RBM33: variants seen among roughly 807,000 people sequenced by gnomAD.
RBM33 encodes RNA binding motif protein 33.
RBM33 carries 28 observed loss-of-function variants against 132.6 expected under a neutral mutation model. The ratio of observed to expected loss-of-function variants is 0.21; its 90% CI spans 0.16 to 0.29. The LOEUF (loss-of-function observed/expected upper bound fraction) is 0.29, where lower values mean the gene tolerates loss of function less well. Ranked by LOEUF, RBM33 falls within the 10% of genes least tolerant of loss-of-function variation. The pLI, the probability that RBM33 is intolerant of heterozygous loss-of-function variation, is 1.00. For missense variants in RBM33, 1,291 were observed against 1,518.5 expected (o/e 0.85, Z 2.49); for synonymous variants, 634 against 593.0 (o/e 1.07, Z -1.01).
chr7:155,737,393 A>G (rs1801162998), intron 9 of RBM33, 137 bp from the exon 10 acceptor site: 1 of 734,730 alleles, frequency 1.4e-6, no homozygotes, highest in Admixed American at 3.6e-5. Flanking sequence ...GTGTAGAAAG[A>G]GAAAGACAGT....
intron 1 of RBM33, among the ~76,000 whole-genome samples, chr7:155,661,144 ATAT>A (rs1473946301): frequency 1.7e-4 from 7 of 40,700 alleles, no homozygotes; most frequent in African/African-American, 4.0e-4. Context: ...ATATATATAT[ATAT>A]TTTTTTTTTT....
At chr7:155,653,152 A>G (rs556450596) in intron 1 of RBM33, among the ~76,000 whole-genome samples, 26 of 152,264 alleles carry the variant, frequency 1.7e-4, no homozygotes, top group African/African-American at 6.3e-4. Context: ...AAATAATACT[A>G]ATAGGAGCTT....
chr7:155,694,131 A>G (rs1450841433), intron 5 of RBM33, among the ~76,000 whole-genome samples: 3 of 152,314 alleles, frequency 2.0e-5, no homozygotes, highest in South Asian at 2.1e-4. Flanking sequence ...TAAGGTCTAT[A>G]TTAGAATCTT....
chr7:155,707,935 C>T (rs1207172894), intron 7 of RBM33, among the ~76,000 whole-genome samples: 3 of 152,220 alleles, frequency 2.0e-5, no homozygotes, highest in Admixed American at 6.5e-5. Flanking sequence ...GCTGGGATTA[C>T]GGGCGTGAGC....
At position 155,741,947 on chromosome 7, in the gene RBM33, C is replaced by T. The variant is rs1801352549; in HGVS notation, c.2178C>T (p.Cys726=). The T allele has an allele frequency of 6.2e-7, 1 of 1,614,044 alleles. No individual in the cohort carries two copies. Among genetic ancestry groups the T allele is most frequent in the Non-Finnish European group, 8.5e-7 (1 of 1,179,896 alleles). The change falls in exon 13 of 18, where the codon TGC becomes TGT. Residue 726 remains cysteine (C), a synonymous_variant. Coordinates refer to ENST00000401878, the MANE Select transcript of RBM33 (RefSeq NM_053043.3). ...SHVIEMSSSR[C]SATPSAQVKP... ...TGATAGAAATGAGCAGCAGCCGCTGCTCTGCCACGCCCTCAGCACAAGTGA... is the reference window on the plus strand; with the variant it reads ...TGATAGAAATGAGCAGCAGCCGCTGTTCTGCCACGCCCTCAGCACAAGTGA...
At chr7:155,736,367 T>A (rs1200424732) in intron 9 of RBM33, among the ~76,000 whole-genome samples, 1 of 152,254 alleles carries the variant, frequency 6.6e-6, no homozygotes, top group Admixed American at 6.5e-5. Flanking sequence ...AAGGTGCTAT[T>A]AAATGAAAAT....
At position 155,764,031 on chromosome 7, in the gene RBM33, G is replaced by C; in HGVS notation, c.3186+13G>C. On this transcript the variant is annotated intron_variant, in intron 15 of 17. Coordinates refer to ENST00000401878, the MANE Select transcript of RBM33 (RefSeq NM_053043.3). ...CCCGGCGAAGAAGGTACTGCTTGTTGCCTCGCACGCAGCCCTGGAAACGCG... is the reference window on the plus strand; with the variant it reads ...CCCGGCGAAGAAGGTACTGCTTGTTCCCTCGCACGCAGCCCTGGAAACGCG... 1 of 1,504,470 alleles carries C rather than the reference G, an allele frequency of 6.6e-7. No individual in the cohort carries two copies. Among genetic ancestry groups the C allele is most frequent in the Non-Finnish European group, 8.9e-7 (1 of 1,124,676 alleles). 93.2% of individuals were successfully genotyped at this position (1,504,470 alleles called of 1,614,324 possible). A position where few individuals can be genotyped will look rare whatever the true frequency, so the allele number is the denominator to read the frequency against.
At chr7:155,746,144 A>C (rs1801510300) in intron 14 of RBM33, among the ~76,000 whole-genome samples, 1 of 152,118 alleles carries the variant, frequency 6.6e-6, no homozygotes, top group Non-Finnish European at 1.5e-5. Flanking sequence ...ATTAGATATC[A>C]CTCAGTTTTA....
chr7:155,652,270 G>A (rs767900759), intron 1 of RBM33, among the ~76,000 whole-genome samples: 1 of 152,216 alleles, frequency 6.6e-6, no homozygotes, highest in African/African-American at 2.4e-5. Flanking sequence ...TTGCAGGGCA[G>A]ATGAGTTTTG....
chr7:155,771,722 CTTATT>C (rs952537134), intron 16 of RBM33, among the ~76,000 whole-genome samples: 14 of 151,984 alleles, frequency 9.2e-5, no homozygotes, highest in Non-Finnish European at 1.5e-4. Flanking sequence ...TTTCTTTTTT[CTTATT>C]TTATTTTATT....
intron 9 of RBM33, among the ~76,000 whole-genome samples, chr7:155,724,626 G>T (rs1333539115): frequency 6.6e-6 from 1 of 152,176 alleles, no homozygotes; most frequent in East Asian, 1.9e-4. Context: ...GAGCGTACAG[G>T]TGTGTGAGTT....
chr7:155,648,489 T>C (rs934808720), intron 1 of RBM33, among the ~76,000 whole-genome samples: 4 of 152,200 alleles, frequency 2.6e-5, no homozygotes, highest in African/African-American at 9.7e-5. Flanking sequence ...TCATTCGAAA[T>C]TGTGAAAGTG....
At chr7:155,682,725 G>C (rs142159592) in intron 5 of RBM33, among the ~76,000 whole-genome samples, 236 of 152,312 alleles carry the variant, frequency 1.5e-3, no homozygotes, top group Middle Eastern at 6.8e-3. Context: ...GAAGGTGCCT[G>C]ATAGAATGCA....
chr7:155,734,020 G>A (rs1801035718), intron 9 of RBM33, among the ~76,000 whole-genome samples: 1 of 152,222 alleles, frequency 6.6e-6, no homozygotes, highest in South Asian at 2.1e-4. Context: ...GTTCCTCGGG[G>A]CTCCTTCTCC....
chr7:155,752,743 C>G (rs1221654314), intron 14 of RBM33, among the ~76,000 whole-genome samples: 1 of 152,206 alleles, frequency 6.6e-6, no homozygotes, highest in Non-Finnish European at 1.5e-5. Context: ...ACTGTCACTC[C>G]TGCTCCTTCT....
chr7:155,779,917 G>A lies in RBM33; in HGVS notation c.*4876G>A, dbSNP rs1434077798. On this transcript the variant is annotated 3_prime_UTR_variant, in exon 18 of 18. Coordinates refer to ENST00000401878, the MANE Select transcript of RBM33 (RefSeq NM_053043.3). ...AGGTCTTCATGTTGATATTTTGCTT[G>A]GTTTTATTTTACTGATTTTAAAAGG... 2 of 151,998 alleles carry A rather than the reference G, an allele frequency of 1.3e-5. No individual in the cohort carries two copies. Among genetic ancestry groups the A allele is most frequent in the Non-Finnish European group, 2.9e-5 (2 of 68,002 alleles). 9.4% of individuals were successfully genotyped at this position (151,998 alleles called of 1,614,324 possible).
chr7:155,769,412 C>T (rs1350936042), intron 16 of RBM33, among the ~76,000 whole-genome samples: 1 of 152,224 alleles, frequency 6.6e-6, no homozygotes, highest in East Asian at 1.9e-4. Context: ...GTCAGCTTTG[C>T]TCCCAAGGCC....
At chr7:155,719,742 C>CT (rs1800567359) in intron 9 of RBM33, among the ~76,000 whole-genome samples, 1 of 152,156 alleles carries the variant, frequency 6.6e-6, no homozygotes, top group Non-Finnish European at 1.5e-5. Flanking sequence ...CTGACAAATA[C>CT]TTTTTGCTTT....
Position 155,644,930 on chromosome 7 carries a change from C to G in RBM33, c.43+11C>G. The G allele has an allele frequency of 6.7e-7, 1 of 1,494,042 alleles. No individual in the cohort carries two copies. The highest frequency in any genetic ancestry group is 1.2e-5 in the South Asian group (1 of 80,124). The allele number at this position is 1,494,042 out of a possible 1,614,324, so 92.5% of individuals were successfully genotyped here. A position where few individuals can be genotyped will look rare whatever the true frequency, so the allele number is the denominator to read the frequency against. ...GAGCAGGCGCCGGAGGTACGTGAGG[C>G]AGCCGGACTCTGGGGGCCAGGACCG... On this transcript the variant is annotated intron_variant, in intron 1 of 17. Transcript: ENST00000401878.
Sources: gnomAD v4.1 joint callset for allele counts (sites outside exome capture counted in the v4.1 genomes callset) on GRCh38, gnomAD v4.1.1 for gene constraint, MANE v1.5 for transcripts, NCBI Gene and HGNC (gene_info 2026-07-23, HGNC 2026-07-21) for gene names.